The following JAKMIP2 variants were observed in gnomAD, a reference collection of about 807,000 sequenced individuals.
JAKMIP2 encodes janus kinase and microtubule interacting protein 2.
A neutral mutation model predicts 115.0 loss-of-function variants in JAKMIP2; 25 were observed. The ratio of observed to expected loss-of-function variants is 0.22; its 90% CI spans 0.16 to 0.30. JAKMIP2 has a LOEUF of 0.30. Among genes scored for constraint, JAKMIP2 ranks in the 10% least tolerant of loss-of-function variants. The pLI, the probability that JAKMIP2 is intolerant of heterozygous loss-of-function variation, is 1.00. For missense variants in JAKMIP2, 642 were observed against 957.6 expected, an observed-to-expected ratio of 0.67 and a Z score of 4.35; for synonymous variants, 334 against 343.6, an observed-to-expected ratio of 0.97 and a Z score of 0.31.
chr5:147,709,982 AG>A (rs1208144506), intron 1 of JAKMIP2, among the ~76,000 whole-genome samples: 1 of 152,220 alleles, frequency 6.6e-6, no homozygotes, highest in Non-Finnish European at 1.5e-5. Context: ...TGTCTCTATT[AG>A]GCTGGAAATT....
At chr5:147,681,598 T>C (rs1760280943) in intron 1 of JAKMIP2, among the ~76,000 whole-genome samples, 1 of 152,124 alleles carries the variant, frequency 6.6e-6, no homozygotes, top group Admixed American at 6.5e-5. Context: ...AAGTGCCTGG[T>C]GGAGGACATG....
chr5:147,711,348 T>C (rs1418744500), intron 1 of JAKMIP2, among the ~76,000 whole-genome samples: 1 of 152,164 alleles, frequency 6.6e-6, no homozygotes. Flanking sequence ...ATTCAACAAG[T>C]ATTTATTTTG....
At chr5:147,674,187 T>C (rs181392546) in intron 1 of JAKMIP2, among the ~76,000 whole-genome samples, 134 of 152,278 alleles carry the variant, frequency 8.8e-4, no homozygotes, top group Admixed American at 1.2e-3. Context: ...ACATGTCCAA[T>C]TGTCCCAGAT....
intron 1 of JAKMIP2, among the ~76,000 whole-genome samples, chr5:147,762,317 A>C (rs1035440156): frequency 6.6e-6 from 1 of 152,092 alleles, no homozygotes; most frequent in Non-Finnish European, 1.5e-5. Context: ...CTAATGTTAG[A>C]TTGTACTCTT....
rs906098808 is a variant in JAKMIP2, at chr5:147,684,114, T to G, written c.-148-12160A>C. On this transcript the variant is annotated intron_variant, in intron 1 of 21. Transcript: ENST00000616793. ...GATGGGATCTTAAAAGCAAGACCGTTAGGTTGACTAATGGAAGGTAGTCAA... is the reference window on the plus strand; with the variant it reads ...GATGGGATCTTAAAAGCAAGACCGTGAGGTTGACTAATGGAAGGTAGTCAA... 2.0e-5 allele frequency among the ~76,000 whole-genome samples: 3 copies of G among 152,144 alleles called. No homozygotes were observed. The South Asian group carries it at 6.2e-4, about 31-fold the overall frequency.
At chr5:147,764,935 AG>A (rs1755076175) in intron 1 of JAKMIP2, among the ~76,000 whole-genome samples, 1 of 102,310 alleles carries the variant, frequency 9.8e-6, no homozygotes, top group African/African-American at 5.0e-5. Flanking sequence ...AGAGAGAGAG[AG>A]AGAGAGAGAG....
chr5:147,700,692 G>A (rs543494239), intron 1 of JAKMIP2, among the ~76,000 whole-genome samples: 1 of 152,276 alleles, frequency 6.6e-6, no homozygotes, highest in African/African-American at 2.4e-5. Context: ...TCAGCCCCTA[G>A]CCATAGCCAG....
intron 11 of JAKMIP2, among the ~76,000 whole-genome samples, chr5:147,636,680 T>C (rs896197953): frequency 1.3e-5 from 2 of 152,156 alleles, no homozygotes; most frequent in African/African-American, 4.8e-5. Context: ...GGGGTGGGTC[T>C]TGGTCTTAGC....
intron 13 of JAKMIP2, 114 bp downstream of exon 13, chr5:147,632,566 G>T (rs1757416098): frequency 1.4e-6 from 1 of 718,230 alleles, no homozygotes; most frequent in Admixed American, 2.5e-5. Flanking sequence ...TGATTGTGAG[G>T]TCCAAATGAG....
chr5:147,617,810 T>C, intron 19 of JAKMIP2, 101 bp downstream of exon 19: 1 of 814,834 alleles, frequency 1.2e-6, no homozygotes, highest in Non-Finnish European at 2.0e-6. Context: ...ATAACTTGTA[T>C]CTCCTGGGCT....
intron 18 of JAKMIP2, among the ~76,000 whole-genome samples, chr5:147,618,711 T>C (rs529053652): frequency 6.6e-6 from 1 of 152,288 alleles, no homozygotes; most frequent in African/African-American, 2.4e-5. Context: ...CACTCTGGTC[T>C]GTGCAACAAG....
At chr5:147,724,040 GA>G (rs1554082856) in intron 1 of JAKMIP2, among the ~76,000 whole-genome samples, 1 of 152,122 alleles carries the variant, frequency 6.6e-6, no homozygotes, top group Non-Finnish European at 1.5e-5. Context: ...CACTTAACCA[GA>G]CACTTCAGTG....
At chr5:147,657,078 G>C (rs1758714167) in intron 3 of JAKMIP2, among the ~76,000 whole-genome samples, 1 of 152,174 alleles carries the variant, frequency 6.6e-6, no homozygotes, top group South Asian at 2.1e-4. Context: ...AGGAGATCGA[G>C]ACCATCCTGG....
At chr5:147,663,752 T>A (rs1210031515) in intron 2 of JAKMIP2, among the ~76,000 whole-genome samples, 1 of 152,188 alleles carries the variant, frequency 6.6e-6, no homozygotes, top group Non-Finnish European at 1.5e-5. Flanking sequence ...TGATGGTTAT[T>A]CTAAAAGAGC....
intron 7 of JAKMIP2, among the ~76,000 whole-genome samples, chr5:147,642,508 T>A: frequency 6.6e-6 from 1 of 152,182 alleles, no homozygotes; most frequent in East Asian, 1.9e-4. Flanking sequence ...CCCAAAATTC[T>A]ATAAAAAATT....
intron 1 of JAKMIP2, among the ~76,000 whole-genome samples, chr5:147,761,571 A>G (rs892653756): frequency 7.9e-5 from 12 of 152,118 alleles, no homozygotes; most frequent in Admixed American, 2.6e-4. Context: ...ACAAGAAAAT[A>G]TAATTATTCT....
chr5:147,605,046 A>C (rs1485646257), intron 20 of JAKMIP2, among the ~76,000 whole-genome samples: 5 of 150,902 alleles, frequency 3.3e-5, no homozygotes. Flanking sequence ...TCATTGTTCA[A>C]CTCCCACTTA....
chr5:147,595,107 T>C (rs978200884), intron 21 of JAKMIP2, among the ~76,000 whole-genome samples: 46 of 152,336 alleles, frequency 3.0e-4, no homozygotes, highest in African/African-American at 1.1e-3. Context: ...TGAGCCTTTC[T>C]ATGTGCCAAC....
Position 147,631,409 on chromosome 5 carries a change from C to G in JAKMIP2, c.1875+4G>C. 6.4e-7 allele frequency: 1 copy of G among 1,555,642 alleles called. No homozygotes were observed. The highest frequency in any genetic ancestry group is 8.8e-7 in the Non-Finnish European group (1 of 1,142,162). On this transcript the variant is annotated splice_donor_region_variant and intron_variant, in intron 14 of 21. Transcript: ENST00000616793. Reference sequence around the variant, plus strand: ...CAAACATAAAAAATGAAATATCTGCCTACCTTAACACCTTCTTTCATACAG... The same window carrying G: ...CAAACATAAAAAATGAAATATCTGCGTACCTTAACACCTTCTTTCATACAG...
Sources: gnomAD v4.1 joint callset for allele counts (sites outside exome capture counted in the v4.1 genomes callset) on GRCh38, gnomAD v4.1.1 for gene constraint, MANE v1.5 for transcripts, NCBI Gene and HGNC (gene_info 2026-07-23, HGNC 2026-07-21) for gene names.